The following SERPINA5 variants were observed in gnomAD, a reference collection of about 807,000 sequenced individuals.
SERPINA5 encodes the protein serpin family A member 5, also known as plasma serine protease inhibitor.
Under a neutral mutation model 25.3 loss-of-function variants are expected in SERPINA5, and 25 were observed. That is an observed-to-expected ratio of 0.99 (90% CI 0.72 to 1.38). The LOEUF (loss-of-function observed/expected upper bound fraction) is 1.38, where lower values mean the gene tolerates loss of function less well. Ranked by LOEUF, SERPINA5 falls within the 40% of genes most tolerant of loss-of-function variation. The probability of loss-of-function intolerance (pLI) is 0.00; values close to 1 mark genes in which losing one functional copy is unlikely to be tolerated. For synonymous variants in SERPINA5, 234 were observed against 206.2 expected, an observed-to-expected ratio of 1.14 and a Z score of -1.16; for missense variants, 599 against 509.5, an observed-to-expected ratio of 1.18 and a Z score of -1.69.
intron 2 of SERPINA5, among the ~76,000 whole-genome samples, chr14:94,585,314 G>T (rs1182422388): frequency 6.6e-6 from 1 of 152,162 alleles, no homozygotes; most frequent in African/African-American, 2.4e-5. Context: ...TGGCTGCTGG[G>T]TTTGGTGCCA....
intron 3 of SERPINA5, 44 bp downstream of exon 3, chr14:94,588,025 G>T (rs552922179): frequency 3.2e-6 from 5 of 1,577,012 alleles, no homozygotes. Context: ...TGGCTTTTCT[G>T]CTGCTTTTAT....
At chr14:94,583,945 T>C (rs1217769618) in intron 2 of SERPINA5, among the ~76,000 whole-genome samples, 1 of 152,180 alleles carries the variant, frequency 6.6e-6, no homozygotes, top group African/African-American at 2.4e-5. Flanking sequence ...ACCCTGGATT[T>C]GAAACTAAGA....
Position 94,587,563 on chromosome 14 carries a change from C to T in SERPINA5, c.201C>T (p.Phe67=), listed in dbSNP as rs748890363. The T allele has an allele frequency of 3.7e-6, 6 of 1,614,012 alleles. No homozygotes were observed. In the African/African-American group the frequency reaches 8.0e-5, roughly 22 times the overall value. ...ASAAPSQSIF[F]SPVSISMSLA... is the part of the protein sequence containing the mutation. ...CTGCCCCCAGCCAGAGCATCTTCTT[C>T]TCCCCTGTGAGCATCTCCATGAGCC... The change falls in exon 3 of 6, where the codon TTC becomes TTT. Residue 67 remains phenylalanine, a synonymous_variant. Coordinates refer to ENST00000329597, the MANE Select transcript of SERPINA5 (RefSeq NM_000624.6).
chr14:94,592,264 AGGCCTCAG>A lies in SERPINA5; in HGVS notation c.*28_*35del. 1 of 1,601,856 alleles carries A rather than the reference AGGCCTCAG, an allele frequency of 6.2e-7. No homozygotes were observed. Among genetic ancestry groups the A allele is most frequent in the Non-Finnish European group, 8.5e-7 (1 of 1,172,356 alleles). On this transcript the variant is annotated 3_prime_UTR_variant, in exon 6 of 6. Transcript: ENST00000329597. ...AGGTGGGGCTTCTCCTGAAATCTAC[AGGCCTCAG>A]GGTGGGAGATGAAGGGGGCTAAGCT... is the stretch of plus-strand genomic sequence containing the variant.
In SERPINA5 at chr14:94,589,621, C is replaced by A. The variant is rs150128574; in HGVS notation, c.620-420C>A. Among the ~76,000 whole-genome samples, 58 of 152,290 alleles carry A rather than the reference C, an allele frequency of 3.8e-4. No individual in the cohort carries two copies. In the East Asian group the frequency reaches 0.01, roughly 26 times the overall value. On this transcript the variant is annotated intron_variant, in intron 3 of 5. Transcript: ENST00000329597. The stretch of plus-strand genomic sequence containing the variant: ...TCATTTCCAGGATCCATACTAACTT[C>A]TTTCTAAAATTTAAATCAAAATATT...
Position 94,587,792 on chromosome 14 carries a change from AC to A in SERPINA5, c.432del (p.Phe145SerfsTer2), listed in dbSNP as rs1334156091. On this transcript the variant is annotated frameshift_variant, in exon 3 of 6. Coordinates refer to ENST00000329597, the MANE Select transcript of SERPINA5 (RefSeq NM_000624.6). LOFTEE classifies it high-confidence loss of function. ...CGACCTGGTGGTAGACCTGCAGGAC[AC>A]CTTCGTAAGTGCCATGAAGACGCTG... ...FTDLVVDLQD[T>X]FVSAMKTLYL... is the part of the protein sequence containing the mutation. The A allele has an allele frequency of 1.2e-6, 2 of 1,614,018 alleles. No homozygotes were observed. The highest frequency in any genetic ancestry group is 2.7e-5 in the African/African-American group (2 of 74,918).
At chr14:94,584,103 A>AC (rs1334112025) in intron 2 of SERPINA5, among the ~76,000 whole-genome samples, 4 of 152,160 alleles carry the variant, frequency 2.6e-5, no homozygotes, top group Non-Finnish European at 5.9e-5. Flanking sequence ...GCCTGGGGAT[A>AC]CCAGGAGGTG....
At chr14:94,589,052 C>G (rs1344236088) in intron 3 of SERPINA5, among the ~76,000 whole-genome samples, 1 of 152,194 alleles carries the variant, frequency 6.6e-6, no homozygotes, top group African/African-American at 2.4e-5. Context: ...ATTTCCTATC[C>G]CCTGGTGCAG....
At chr14:94,585,292 G>A (rs886218508) in intron 2 of SERPINA5, among the ~76,000 whole-genome samples, 3 of 152,162 alleles carry the variant, frequency 2.0e-5, no homozygotes, top group East Asian at 1.9e-4. Context: ...CGGGCAATGC[G>A]CCCAACTGCT....
At chr14:94,590,469 C>A in intron 4 of SERPINA5, 158 bp downstream of exon 4, 1 of 1,005,982 alleles carries the variant, frequency 9.9e-7, no homozygotes, top group Non-Finnish European at 1.4e-6. Context: ...GTCCTGGGGG[C>A]CTAGCCCAGT....
At chr14:94,589,212 C>T (rs906207918) in intron 3 of SERPINA5, among the ~76,000 whole-genome samples, 26 of 151,922 alleles carry the variant, frequency 1.7e-4, no homozygotes, top group African/African-American at 5.6e-4. Flanking sequence ...TTTAGGAGGC[C>T]GAGATGGGCA....
At chr14:94,587,214 C>T (rs2069973) in intron 2 of SERPINA5, 132 bp from the exon 3 acceptor site, 11 of 801,040 alleles carry the variant, frequency 1.4e-5, no homozygotes, top group South Asian at 6.9e-5. Flanking sequence ...CCCAGTCTTG[C>T]GGGTGCCATC....
chr14:94,589,113 G>A (rs1885190963), intron 3 of SERPINA5, among the ~76,000 whole-genome samples: 1 of 152,200 alleles, frequency 6.6e-6, no homozygotes, highest in Non-Finnish European at 1.5e-5. Context: ...AATAAGCTAA[G>A]GACGGTATTG....
At chr14:94,589,621 C>T (rs150128574) in intron 3 of SERPINA5, among the ~76,000 whole-genome samples, 3 of 152,172 alleles carry the variant, frequency 2.0e-5, no homozygotes, top group African/African-American at 7.2e-5. Context: ...ATACTAACTT[C>T]TTTCTAAAAT....
intron 2 of SERPINA5, among the ~76,000 whole-genome samples, chr14:94,585,178 T>C (rs1012040546): frequency 6.6e-6 from 1 of 152,200 alleles, no homozygotes; most frequent in Non-Finnish European, 1.5e-5. Context: ...ACTCCATCTC[T>C]CTGAACCTCG....
intron 3 of SERPINA5, among the ~76,000 whole-genome samples, chr14:94,589,441 C>G (rs1345580096): frequency 6.6e-6 from 1 of 150,514 alleles, no homozygotes; most frequent in African/African-American, 2.5e-5. Context: ...GAGCGAGACT[C>G]CATCTCAAAA....
At chr14:94,583,023 T>A (rs977780523) in intron 2 of SERPINA5, among the ~76,000 whole-genome samples, 2 of 152,202 alleles carry the variant, frequency 1.3e-5, no homozygotes, top group African/African-American at 2.4e-5. Context: ...CAGAACTTGC[T>A]GTGTTTGAGA....
At position 94,587,508 on chromosome 14, in the gene SERPINA5, C is replaced by A; in HGVS notation, c.146C>A (p.Thr49Asn). 6.2e-7 allele frequency: 1 copy of A among 1,614,122 alleles called. No homozygotes were observed. The highest frequency in any genetic ancestry group is 8.5e-7 in the Non-Finnish European group (1 of 1,179,980). ...GCCCCCAGCAGCAGAAGGGACTTTA[C>A]CTTTGACCTCTACAGGGCCTTGGCT... ...TVAPSSRRDF[T>N]FDLYRALASA... Residue 49 changes from threonine (T) to asparagine (N), a missense_variant, in exon 3 of 6, where the codon ACC becomes AAC. Physicochemically the swap from Thr to Asn is moderately conservative, Grantham distance 65 (BLOSUM62 0). Transcript: ENST00000329597.
chr14:94,586,274 T>TTCATGG (rs1885079482), intron 2 of SERPINA5, among the ~76,000 whole-genome samples: 1 of 152,186 alleles, frequency 6.6e-6, no homozygotes, highest in Non-Finnish European at 1.5e-5. Flanking sequence ...AAGATGTCTT[T>TTCATGG]GCCTGCATGG....
Sources: allele counts gnomAD v4.1 joint callset (sites outside exome capture counted in the v4.1 genomes callset), GRCh38; gene constraint gnomAD v4.1.1; transcripts MANE v1.5; gene names NCBI Gene and HGNC (gene_info 2026-07-23, HGNC 2026-07-21).